ADGRB3: variants seen among roughly 807,000 people sequenced by gnomAD.
ADGRB3 encodes brain-specific angiogenesis inhibitor 3.
A neutral mutation model predicts 193.4 loss-of-function variants in ADGRB3; 37 were observed. The ratio of observed to expected loss-of-function variants is 0.19; its 90% CI spans 0.15 to 0.25. The LOEUF is 0.25. Among genes scored for constraint, ADGRB3 ranks in the 10% least tolerant of loss-of-function variants. The probability of loss-of-function intolerance (pLI) is 1.00; values close to 1 mark genes in which losing one functional copy is unlikely to be tolerated. For missense variants in ADGRB3, 1,637 were observed against 1,852.9 expected (o/e 0.88, Z 2.14); for synonymous variants, 690 against 644.2 (o/e 1.07, Z -1.08).
At chr6:69,026,499 G>T (rs1770435771) in intron 13 of ADGRB3, among the ~76,000 whole-genome samples, 1 of 152,168 alleles carries the variant, frequency 6.6e-6, no homozygotes, top group Admixed American at 6.5e-5. Context: ...GGGAGGAAAT[G>T]AAGTCAGAAA....
intron 3 of ADGRB3, among the ~76,000 whole-genome samples, chr6:68,906,680 A>G (rs569320099): frequency 7.2e-5 from 11 of 152,172 alleles, no homozygotes; most frequent in African/African-American, 2.2e-4. Flanking sequence ...ATAGATAAAA[A>G]TAATTATTGC....
chr6:69,341,611 A>G (rs1399447997), intron 26 of ADGRB3, among the ~76,000 whole-genome samples: 1 of 152,182 alleles, frequency 6.6e-6, no homozygotes, highest in Non-Finnish European at 1.5e-5. Flanking sequence ...TATCAGCATT[A>G]AAAATCTTCC....
At position 68,994,070 on chromosome 6, in the gene ADGRB3, C is replaced by G. The variant is rs546919163; in HGVS notation, c.1929+108C>G. ...GGAGGCGGACTGGAGGAAGATAATGCTCATCCAAGTTATGCTTAGTGTGAG... is the reference window on the plus strand; with the variant it reads ...GGAGGCGGACTGGAGGAAGATAATGGTCATCCAAGTTATGCTTAGTGTGAG... On this transcript the variant is annotated intron_variant, in intron 11 of 31. Transcript: ENST00000370598. 26 of 1,089,412 alleles carry G rather than the reference C, an allele frequency of 2.4e-5. No homozygotes were observed. In the Admixed American group the frequency reaches 5.6e-4, roughly 24 times the overall value. The allele number at this position is 1,089,412 out of a possible 1,614,324, so 67.5% of individuals were successfully genotyped here. A position where few individuals can be genotyped will look rare whatever the true frequency, so the allele number is the denominator to read the frequency against.
intron 3 of ADGRB3, among the ~76,000 whole-genome samples, chr6:68,914,563 C>T (rs1427097436): frequency 6.6e-6 from 1 of 152,168 alleles, no homozygotes; most frequent in Non-Finnish European, 1.5e-5. Context: ...TGGAAAGGAA[C>T]AACCAGTACC....
At chr6:68,837,901 C>T in intron 3 of ADGRB3, among the ~76,000 whole-genome samples, 1 of 152,190 alleles carries the variant, frequency 6.6e-6, no homozygotes. Context: ...AACTACCAAA[C>T]ATTATCTCAA....
chr6:69,106,489 C>A (rs1396263698), intron 17 of ADGRB3, among the ~76,000 whole-genome samples: 1 of 152,202 alleles, frequency 6.6e-6, no homozygotes, highest in Non-Finnish European at 1.5e-5. Flanking sequence ...GTACCCTCCT[C>A]CCTTCCATAA....
At position 68,874,851 on chromosome 6, in the gene ADGRB3, A is replaced by G. The variant is rs1411225457; in HGVS notation, c.758-55708A>G. Among the ~76,000 whole-genome samples the G allele has an allele frequency of 2.0e-5, 3 of 152,158 alleles. No individual in the cohort carries two copies. In the East Asian group the frequency reaches 5.8e-4, roughly 29 times the overall value. On this transcript the variant is annotated intron_variant, in intron 3 of 31. Transcript: ENST00000370598. ...ATATCTTTATAATTTTAAAATCATG[A>G]TTCACAGAGTAAAATTTTGGGTATT...
intron 5 of ADGRB3, among the ~76,000 whole-genome samples, chr6:68,942,534 C>G (rs1366944809): frequency 6.6e-6 from 1 of 151,930 alleles, no homozygotes; most frequent in Non-Finnish European, 1.5e-5. Context: ...TATTAGGGTG[C>G]TATTATGTAT....
intron 17 of ADGRB3, among the ~76,000 whole-genome samples, chr6:69,100,997 A>G: frequency 1.7e-5 from 2 of 121,088 alleles, no homozygotes; most frequent in Non-Finnish European, 3.6e-5. Context: ...GAAGGAAGGA[A>G]GGGAGGGACA....
intron 13 of ADGRB3, among the ~76,000 whole-genome samples, chr6:69,044,215 A>G (rs1771173312): frequency 6.6e-6 from 1 of 152,070 alleles, no homozygotes; most frequent in Admixed American, 6.6e-5. Context: ...TCTTTGTCCA[A>G]TTTGCTCATC....
At chr6:68,878,970 A>T (rs141149395) in intron 3 of ADGRB3, among the ~76,000 whole-genome samples, 30 of 152,080 alleles carry the variant, frequency 2.0e-4, no homozygotes, top group Non-Finnish European at 2.6e-4. Flanking sequence ...CACAGGAAAG[A>T]CCTGTGCCCA....
At chr6:68,938,289 A>C (rs187472956) in intron 5 of ADGRB3, among the ~76,000 whole-genome samples, 15 of 152,086 alleles carry the variant, frequency 9.9e-5, no homozygotes, top group Non-Finnish European at 1.6e-4. Context: ...TATGATTAAA[A>C]ACAGAATTCA....
chr6:68,995,612 G>C (rs1190754684), intron 11 of ADGRB3, among the ~76,000 whole-genome samples: 1 of 152,178 alleles, frequency 6.6e-6, no homozygotes, highest in African/African-American at 2.4e-5. Context: ...TCAGAAATAG[G>C]TTTCTCTCTT....
intron 3 of ADGRB3, among the ~76,000 whole-genome samples, chr6:68,687,578 C>G (rs984609167): frequency 6.6e-6 from 1 of 152,024 alleles, no homozygotes. Flanking sequence ...AAAATTGTGG[C>G]CATACTTGTT....
intron 20 of ADGRB3, among the ~76,000 whole-genome samples, chr6:69,301,338 A>T (rs1767945289): frequency 6.6e-6 from 1 of 151,488 alleles, no homozygotes; most frequent in Non-Finnish European, 1.5e-5. Flanking sequence ...AACTGCAAAA[A>T]GTTAACTGTA....
intron 3 of ADGRB3, among the ~76,000 whole-genome samples, chr6:68,860,787 T>C (rs1439409508): frequency 6.6e-6 from 1 of 152,218 alleles, no homozygotes; most frequent in Non-Finnish European, 1.5e-5. Context: ...GGTCAAATGG[T>C]AGTTCTATTA....
chr6:68,823,038 A>G (rs1235152960), intron 3 of ADGRB3, among the ~76,000 whole-genome samples: 1 of 150,886 alleles, frequency 6.6e-6, no homozygotes, highest in East Asian at 2.0e-4. Flanking sequence ...TCACAGCAGC[A>G]GAAGACATCT....
intron 17 of ADGRB3, among the ~76,000 whole-genome samples, chr6:69,150,114 G>A (rs1181929921): frequency 6.6e-6 from 1 of 152,036 alleles, no homozygotes. Context: ...CCTGAATACT[G>A]CCTATGTTCA....
chr6:68,705,479 A>C (rs184032159), intron 3 of ADGRB3, among the ~76,000 whole-genome samples: 1 of 152,318 alleles, frequency 6.6e-6, no homozygotes, highest in East Asian at 1.9e-4. Context: ...TTTAATATAA[A>C]TGTGTGTTTG....
Sources: gnomAD v4.1 joint callset for allele counts (sites outside exome capture counted in the v4.1 genomes callset) on GRCh38, gnomAD v4.1.1 for gene constraint, MANE v1.5 for transcripts, NCBI Gene and HGNC (gene_info 2026-07-23, HGNC 2026-07-21) for gene names.